LRRN1: variants seen among roughly 807,000 people sequenced by gnomAD.
The protein encoded by LRRN1 is leucine rich repeat neuronal 1.
LRRN1 carries 14 observed loss-of-function variants against 45.8 expected under a neutral mutation model. The ratio of observed to expected loss-of-function variants is 0.31; its 90% CI spans 0.20 to 0.48. LRRN1 has a LOEUF of 0.48. Among genes scored for constraint, LRRN1 ranks in the 20% least tolerant of loss-of-function variants. The probability of loss-of-function intolerance (pLI) is 0.99; values close to 1 mark genes in which losing one functional copy is unlikely to be tolerated. For synonymous variants in LRRN1, 359 were observed against 330.1 expected (o/e 1.09, Z -0.95); for missense variants, 789 against 874.2 (o/e 0.90, Z 1.23).
At chr3:3,820,454 T>G (rs980922708) in intron 1 of LRRN1, among the ~76,000 whole-genome samples, 1 of 152,160 alleles carries the variant, frequency 6.6e-6, no homozygotes, top group Non-Finnish European at 1.5e-5. Flanking sequence ...CATTTTTTGT[T>G]TAAGTTATTT....
At position 3,846,870 on chromosome 3, in the gene LRRN1, AGACTTTTGTATTTTT is replaced by A; in HGVS notation, c.*85_*99del. On this transcript the variant is annotated 3_prime_UTR_variant, in exon 2 of 2. Transcript: ENST00000319331. The surrounding 1 kb of genome is among the most constrained non-coding windows in gnomAD (Gnocchi z 5.7). Reference sequence around the variant, plus strand: ...TATTCTGCAAAAGTGAACAAGTTGAAGACTTTTGTATTTTTGACTTTGCTAGTTTGTGGCAGAGTG... The same window carrying A: ...TATTCTGCAAAAGTGAACAAGTTGAAGACTTTGCTAGTTTGTGGCAGAGTG... 8.2e-7 allele frequency: 1 copy of A among 1,224,588 alleles called. No homozygotes were observed. 75.9% of individuals were successfully genotyped at this position (1,224,588 alleles called of 1,614,324 possible).
In LRRN1 at chr3:3,847,105, A is replaced by G. The variant is rs1461524296; in HGVS notation, c.*313A>G. 1 of 188,356 alleles carries G rather than the reference A, an allele frequency of 5.3e-6. No individual in the cohort carries two copies. The highest frequency in any genetic ancestry group is 1.2e-5 in the Non-Finnish European group (1 of 82,042). The allele number at this position is 188,356 out of a possible 1,614,324, so 11.7% of individuals were successfully genotyped here. ...TGCTGTTCTAACTACAGTGCTCAAT[A>G]AAATGATTAATGACAGGATGGGGTT... On this transcript the variant is annotated 3_prime_UTR_variant, in exon 2 of 2. Transcript: ENST00000319331.
At chr3:3,835,976 T>C (rs1693501551) in intron 1 of LRRN1, among the ~76,000 whole-genome samples, 1 of 152,220 alleles carries the variant, frequency 6.6e-6, no homozygotes, top group Non-Finnish European at 1.5e-5. Flanking sequence ...TAAAGGATTG[T>C]TTCTTTAAAC....
intron 1 of LRRN1, among the ~76,000 whole-genome samples, chr3:3,828,580 G>C (rs1326818018): frequency 6.6e-6 from 1 of 151,972 alleles, no homozygotes; most frequent in Non-Finnish European, 1.5e-5. Context: ...TTGTTAACTT[G>C]AACACACATC....
At chr3:3,824,450 C>T (rs1371805852) in intron 1 of LRRN1, among the ~76,000 whole-genome samples, 1 of 152,036 alleles carries the variant, frequency 6.6e-6, no homozygotes, top group African/African-American at 2.4e-5. Context: ...TGCAATTTGG[C>T]TGTGCTTATA....
At chr3:3,835,518 T>C (rs577480113) in intron 1 of LRRN1, among the ~76,000 whole-genome samples, 3 of 151,336 alleles carry the variant, frequency 2.0e-5, no homozygotes, top group South Asian at 4.2e-4. Flanking sequence ...TGGAGAAGCA[T>C]AATTCGAATA....
At chr3:3,830,584 C>A (rs550397593) in intron 1 of LRRN1, among the ~76,000 whole-genome samples, 14 of 152,300 alleles carry the variant, frequency 9.2e-5, no homozygotes, top group African/African-American at 3.4e-4. Flanking sequence ...CCTCTGTCAA[C>A]TGATCATAGG....
At chr3:3,826,395 G>T (rs571007705) in intron 1 of LRRN1, among the ~76,000 whole-genome samples, 15 of 152,116 alleles carry the variant, frequency 9.9e-5, no homozygotes, top group Non-Finnish European at 2.2e-4. Context: ...TACATGACTT[G>T]TTCAAGGTCG....
chr3:3,805,502 G>A (rs1488641344), intron 1 of LRRN1, among the ~76,000 whole-genome samples: 1 of 152,148 alleles, frequency 6.6e-6, no homozygotes, highest in African/African-American at 2.4e-5. Context: ...CAACCATCCC[G>A]GTGCTTCATG....
Position 3,847,938 on chromosome 3 carries a change from T to C in LRRN1, c.*1146T>C, listed in dbSNP as rs1020425165. ...GTAAATATATATATACACCAATATA[T>C]TCATATATACTCACACACATCCCAA... On this transcript the variant is annotated 3_prime_UTR_variant, in exon 2 of 2. Coordinates refer to ENST00000319331, the MANE Select transcript of LRRN1 (RefSeq NM_020873.7). 1.3e-5 allele frequency among the ~76,000 whole-genome samples: 2 copies of C among 152,134 alleles called. No individual in the cohort carries two copies. The highest frequency in any genetic ancestry group is 2.9e-5 in the Non-Finnish European group (2 of 68,038).
At chr3:3,806,984 G>A (rs924065286) in intron 1 of LRRN1, among the ~76,000 whole-genome samples, 4 of 152,200 alleles carry the variant, frequency 2.6e-5, no homozygotes, top group Non-Finnish European at 4.4e-5. Context: ...CAGACCTAGT[G>A]TCTTCCACTC....
chr3:3,807,372 T>G (rs2106450934), intron 1 of LRRN1, among the ~76,000 whole-genome samples: 1 of 152,346 alleles, frequency 6.6e-6, no homozygotes, highest in Admixed American at 6.5e-5. Context: ...TGATTTTTGT[T>G]TTTTCTTTGA....
Position 3,833,603 on chromosome 3 carries a change from G to A in LRRN1, c.-278-10761G>A, listed in dbSNP as rs137880888. On this transcript the variant is annotated intron_variant, in intron 1 of 1. Transcript: ENST00000319331. ...TCAACCTCACCTCCAGGGGCCCATC[G>A]GGATTTTAGTTATAGGTCTAGAAGC... 2.7e-4 allele frequency among the ~76,000 whole-genome samples: 41 copies of A among 152,240 alleles called. No homozygotes were observed. The East Asian group carries it at 7.3e-3, about 27-fold the overall frequency.
In LRRN1 at chr3:3,846,107, T is replaced by G; in HGVS notation, c.1466T>G (p.Ile489Arg). 1 of 1,614,018 alleles carries G rather than the reference T, an allele frequency of 6.2e-7. No homozygotes were observed. The highest frequency in any genetic ancestry group is 8.5e-7 in the Non-Finnish European group (1 of 1,180,024). The change falls in exon 2 of 2, where the codon ATA (isoleucine) becomes AGA (arginine). Residue 489 changes from isoleucine (I) to arginine (R), a missense_variant. Ile to Arg is a moderately conservative substitution (Grantham distance 97). Transcript: ENST00000319331. This position sits in a 1 kb window ranked among gnomAD's most constrained non-coding sequence, Gnocchi z 5.7. ...GAAGGTACCTTGGAAATATCTAACA[T>G]ACAAATTGAAGACTCAGGAAGATAC... is the stretch of plus-strand genomic sequence containing the variant. ...SSEGTLEISN[I>R]QIEDSGRYTC...
intron 1 of LRRN1, among the ~76,000 whole-genome samples, chr3:3,823,065 G>T (rs915133186): frequency 3.9e-5 from 6 of 152,150 alleles, no homozygotes; most frequent in Non-Finnish European, 8.8e-5. Context: ...GTGAACAGAT[G>T]AACTGTCCCA....
intron 1 of LRRN1, among the ~76,000 whole-genome samples, chr3:3,803,013 C>G (rs1211596541): frequency 6.6e-6 from 1 of 152,134 alleles, no homozygotes; most frequent in Non-Finnish European, 1.5e-5. Context: ...AAGGATCATT[C>G]TGCTAAATAA....
At chr3:3,843,580 T>A (rs1484483189) in intron 1 of LRRN1, among the ~76,000 whole-genome samples, 1 of 144,268 alleles carries the variant, frequency 6.9e-6, no homozygotes, top group Non-Finnish European at 1.5e-5. Context: ...CCCCCCCCCA[T>A]ACCCCTGGCC....
At position 3,846,499 on chromosome 3, in the gene LRRN1, G is replaced by A. The variant is rs1044760670; in HGVS notation, c.1858G>A (p.Ala620Thr). Residue 620 changes from alanine to threonine, a missense_variant, in exon 2 of 2, where the codon GCA becomes ACA. Physicochemically the swap from Ala to Thr is moderately conservative, Grantham distance 58. Coordinates refer to ENST00000319331, the MANE Select transcript of LRRN1 (RefSeq NM_020873.7). The surrounding 1 kb of genome is among the most constrained non-coding windows in gnomAD (Gnocchi z 5.7). ...VNVTTKNAAF[A>T]VDISDQETST... ...TGTCACAACCAAAAATGCCGCCTTC[G>A]CAGTGGACATCTCTGATCAAGAAAC... The A allele has an allele frequency of 9.9e-6, 16 of 1,613,998 alleles. No homozygotes were observed. Among genetic ancestry groups the A allele is most frequent in the East Asian group, 2.2e-5 (1 of 44,890 alleles).
rs565641442 is a variant in LRRN1, at chr3:3,844,541, T to C, written c.-101T>C. The C allele has an allele frequency of 1.9e-5, 17 of 892,554 alleles. No homozygotes were observed. In the East Asian group the frequency reaches 4.5e-4, roughly 24 times the overall value. 55.3% of individuals were successfully genotyped at this position (892,554 alleles called of 1,614,324 possible). A position where few individuals can be genotyped will look rare whatever the true frequency, so the allele number is the denominator to read the frequency against. ...CAGCTCAACCAAGACTTTGCTTGAA[T>C]GTTTACATTTTCTGCTCGCTGTCCT... On this transcript the variant is annotated 5_prime_UTR_variant, in exon 2 of 2. It removes an upstream start codon present in the reference 5' UTR. Transcript: ENST00000319331.
Sources: gnomAD v4.1 joint callset for allele counts (sites outside exome capture counted in the v4.1 genomes callset) on GRCh38, gnomAD v4.1.1 for gene constraint, Gnocchi (gnomAD v3.1) non-coding constraint, MANE v1.5 for transcripts, NCBI Gene and HGNC (gene_info 2026-07-23, HGNC 2026-07-21) for gene names.